MGME1: variants seen among roughly 807,000 people sequenced by gnomAD.
MGME1 encodes mitochondrial genome maintenance exonuclease 1.
A neutral mutation model predicts 33.0 loss-of-function variants in MGME1; 22 were observed. The observed-to-expected ratio is 0.67, with a 90% CI of 0.48 to 0.95. The LOEUF (loss-of-function observed/expected upper bound fraction) is 0.95, where lower values mean the gene tolerates loss of function less well. MGME1 is among the 40% of genes least tolerant of loss of function. The pLI, the probability that MGME1 is intolerant of heterozygous loss-of-function variation, is 0.00. For synonymous variants in MGME1, 133 were observed against 144.0 expected (o/e 0.92, Z 0.55); for missense variants, 383 against 397.8 (o/e 0.96, Z 0.32).
At chr20:17,989,675 A>G (rs1377544212) in intron 4 of MGME1, among the ~76,000 whole-genome samples, 2 of 151,330 alleles carry the variant, frequency 1.3e-5, no homozygotes, top group African/African-American at 2.4e-5. Context: ...AAAAAGAAAA[A>G]AAAAGCACTT....
intron 3 of MGME1, among the ~76,000 whole-genome samples, chr20:17,987,637 C>T (rs1490677907): frequency 1.3e-5 from 2 of 152,044 alleles, no homozygotes; most frequent in African/African-American, 4.8e-5. Context: ...GCCAGTGCTG[C>T]TCTAGACTGA....
intron 2 of MGME1, among the ~76,000 whole-genome samples, chr20:17,973,851 A>G (rs575465885): frequency 6.6e-6 from 1 of 152,254 alleles, no homozygotes; most frequent in African/African-American, 2.4e-5. Context: ...CTTTGGGGCA[A>G]ATTAACAGCA....
chr20:17,977,270 G>A (rs935503257), intron 3 of MGME1, among the ~76,000 whole-genome samples: 2 of 151,832 alleles, frequency 1.3e-5, no homozygotes, highest in African/African-American at 4.8e-5. Flanking sequence ...CAGCTACTCG[G>A]GAGTCTGAGG....
intron 2 of MGME1, among the ~76,000 whole-genome samples, chr20:17,975,421 G>T (rs761174259): frequency 6.6e-6 from 1 of 152,022 alleles, no homozygotes; most frequent in Non-Finnish European, 1.5e-5. Context: ...GCCAGGCACG[G>T]TGGCGGGCGC....
In MGME1 at chr20:17,990,359, A is replaced by G. The variant is rs1409207341; in HGVS notation, c.*250A>G. 3.1e-6 allele frequency: 1 copy of G among 327,230 alleles called. No individual in the cohort carries two copies. Among genetic ancestry groups the G allele is most frequent in the Non-Finnish European group, 5.8e-6 (1 of 173,258 alleles). The allele number at this position is 327,230 out of a possible 1,614,324, so 20.3% of individuals were successfully genotyped here. On this transcript the variant is annotated 3_prime_UTR_variant, in exon 5 of 5. Transcript: ENST00000377710. Reference sequence around the variant, plus strand: ...CCTCTTATTTACCTGAAAGGAGGACACGCAGGATGGGCAGTCATGCTGGTG... The same window carrying G: ...CCTCTTATTTACCTGAAAGGAGGACGCGCAGGATGGGCAGTCATGCTGGTG...
intron 3 of MGME1, among the ~76,000 whole-genome samples, chr20:17,979,931 C>T (rs1200834340): frequency 3.3e-5 from 5 of 152,056 alleles, no homozygotes; most frequent in African/African-American, 1.2e-4. Flanking sequence ...GGGGTCTCAC[C>T]ATTTTGCTCA....
intron 3 of MGME1, among the ~76,000 whole-genome samples, chr20:17,985,036 CAAAAAAAA>C (rs535060718): frequency 8.7e-5 from 9 of 103,178 alleles, no homozygotes; most frequent in Non-Finnish European, 1.5e-4. Context: ...GACTTTGTCT[CAAAAAAAA>C]AAAAAAAAAA....
intron 3 of MGME1, among the ~76,000 whole-genome samples, chr20:17,987,671 A>G (rs1217741285): frequency 6.6e-6 from 1 of 152,148 alleles, no homozygotes; most frequent in Non-Finnish European, 1.5e-5. Flanking sequence ...GTAACTGTCT[A>G]GAGCTATAGT....
intron 3 of MGME1, among the ~76,000 whole-genome samples, chr20:17,986,192 C>T (rs764214111): frequency 1.2e-4 from 18 of 152,036 alleles, no homozygotes; most frequent in Non-Finnish European, 2.2e-4. Flanking sequence ...CCTCAGCCTC[C>T]CGAGTAGCTG....
chr20:17,982,571 G>T (rs189176543), intron 3 of MGME1, among the ~76,000 whole-genome samples: 10 of 152,308 alleles, frequency 6.6e-5, no homozygotes, highest in Admixed American at 2.6e-4. Flanking sequence ...CTTTAGGAAG[G>T]TTGCTGGGTC....
chr20:17,975,607 C>T (rs764572957), intron 2 of MGME1, 77 bp from the exon 3 acceptor site: 12 of 941,870 alleles, frequency 1.3e-5, no homozygotes, highest in South Asian at 3.0e-5. Flanking sequence ...TGTTTCAGGG[C>T]GTTTTAGAGT....
intron 3 of MGME1, among the ~76,000 whole-genome samples, chr20:17,978,665 G>T (rs997931516): frequency 2.0e-5 from 3 of 152,166 alleles, no homozygotes; most frequent in African/African-American, 7.2e-5. Flanking sequence ...CCCAATGCTT[G>T]TCATAGAGAT....
chr20:17,981,063 G>A (rs2098318494), intron 3 of MGME1, among the ~76,000 whole-genome samples: 1 of 151,996 alleles, frequency 6.6e-6, no homozygotes, highest in Non-Finnish European at 1.5e-5. Context: ...CCTCCTTCTA[G>A]TCTGCCTTCT....
In MGME1 at chr20:17,988,227, A is replaced by G. The variant is rs1600407466; in HGVS notation, c.793A>G (p.Thr265Ala). ...SEKPKPFIQSTFDNPLQVVAY... is the reference protein window; with the variant it reads ...SEKPKPFIQSAFDNPLQVVAY... ...GAAACCAAAGCCTTTTATTCAAAGT[A>G]CATTTGACAACCCACTGCAAGTTGT... is the stretch of plus-strand genomic sequence containing the variant. The change falls in exon 4 of 5, where the codon ACA (threonine) becomes GCA (alanine). Residue 265 changes from threonine (T) to alanine (A), a missense_variant. By Grantham distance (58) the Thr-to-Ala change is moderately conservative. Coordinates refer to ENST00000377710, the MANE Select transcript of MGME1 (RefSeq NM_052865.4). The G allele has an allele frequency of 1.2e-6, 2 of 1,613,992 alleles. No homozygotes were observed. Among genetic ancestry groups the G allele is most frequent in the African/African-American group, 1.3e-5 (1 of 74,940 alleles).
At position 17,975,677 on chromosome 20, in the gene MGME1, T is replaced by C. The variant is rs2035846673; in HGVS notation, c.512-7T>C. ...CCCCCTCCCCTTTTCCCTGATTTTC[T>C]TTTCAGACGTCTTTTTACAAGGGAA... On this transcript the variant is annotated splice_region_variant and splice_polypyrimidine_tract_variant and intron_variant, in intron 2 of 4. Coordinates refer to ENST00000377710, the MANE Select transcript of MGME1 (RefSeq NM_052865.4). 1 of 1,608,152 alleles carries C rather than the reference T, an allele frequency of 6.2e-7. No individual in the cohort carries two copies. The highest frequency in any genetic ancestry group is 2.2e-5 in the East Asian group (1 of 44,744).
At chr20:17,980,226 A>G (rs2035975883) in intron 3 of MGME1, among the ~76,000 whole-genome samples, 2 of 151,386 alleles carry the variant, frequency 1.3e-5, no homozygotes, top group Non-Finnish European at 2.9e-5. Context: ...GGGTTTCACC[A>G]TGTTGGCCAG....
At chr20:17,983,529 T>A (rs971967754) in intron 3 of MGME1, among the ~76,000 whole-genome samples, 1 of 152,198 alleles carries the variant, frequency 6.6e-6, no homozygotes, top group Non-Finnish European at 1.5e-5. Flanking sequence ...CCATGATGTT[T>A]TCTCAAATGG....
intron 3 of MGME1, among the ~76,000 whole-genome samples, chr20:17,979,785 C>T (rs1217611588): frequency 2.0e-5 from 3 of 152,066 alleles, no homozygotes; most frequent in Non-Finnish European, 4.4e-5. Flanking sequence ...TGCTGGAGTG[C>T]AGTGATGCAT....
intron 3 of MGME1, among the ~76,000 whole-genome samples, chr20:17,980,808 C>CA (rs11087236): frequency 0.021 from 2,793 of 130,862 alleles, 74 homozygotes; most frequent in East Asian, 0.1. Flanking sequence ...GACTCCATCT[C>CA]AAAAAAAAAA....
Sources: allele counts gnomAD v4.1 joint callset (sites outside exome capture counted in the v4.1 genomes callset), GRCh38; gene constraint gnomAD v4.1.1; transcripts MANE v1.5; gene names NCBI Gene and HGNC (gene_info 2026-07-23, HGNC 2026-07-21).